The following TNKS variants were observed in gnomAD, a reference collection of about 807,000 sequenced individuals.
The protein encoded by TNKS is tankyrase.
A neutral mutation model predicts 135.8 loss-of-function variants in TNKS; 72 were observed. The ratio of observed to expected loss-of-function variants is 0.53; its 90% CI spans 0.44 to 0.64. The LOEUF (loss-of-function observed/expected upper bound fraction) is 0.64, where lower values mean the gene tolerates loss of function less well. Ranked by LOEUF, TNKS falls within the 30% of genes least tolerant of loss-of-function variation. The probability of loss-of-function intolerance (pLI) is 0.00; values close to 1 mark genes in which losing one functional copy is unlikely to be tolerated. For synonymous variants in TNKS, 849 were observed against 649.3 expected, an observed-to-expected ratio of 1.31 and a Z score of -4.68; for missense variants, 1,769 against 1,674.0, an observed-to-expected ratio of 1.06 and a Z score of -0.99.
intron 2 of TNKS, among the ~76,000 whole-genome samples, chr8:9,591,526 G>A (rs73195531): frequency 1.3e-5 from 2 of 152,338 alleles, no homozygotes; most frequent in Non-Finnish European, 2.9e-5. Flanking sequence ...AGCATGTTGA[G>A]AATATTTTTA....
chr8:9,602,911 C>T (rs1264256468), intron 2 of TNKS, among the ~76,000 whole-genome samples: 1 of 152,076 alleles, frequency 6.6e-6, no homozygotes, highest in East Asian at 1.9e-4. Flanking sequence ...TCAATTGAAA[C>T]AACGTTTTCA....
intron 12 of TNKS, among the ~76,000 whole-genome samples, chr8:9,723,154 GTTTT>G (rs10688007): frequency 2.1e-5 from 3 of 144,406 alleles, no homozygotes; most frequent in Non-Finnish European, 4.5e-5. Flanking sequence ...CCTCCAAAAG[GTTTT>G]TTTTTTTTGT....
At chr8:9,761,475 A>G (rs1807145197) in intron 20 of TNKS, 41 bp from the exon 21 acceptor site, 1 of 1,604,978 alleles carries the variant, frequency 6.2e-7, no homozygotes, top group Non-Finnish European at 8.5e-7. Flanking sequence ...CCTCTTAAGA[A>G]CTGTTAAAGA....
At chr8:9,734,283 T>C (rs140848250) in intron 15 of TNKS, among the ~76,000 whole-genome samples, 138 of 152,342 alleles carry the variant, frequency 9.1e-4, no homozygotes, top group Non-Finnish European at 1.4e-3. Flanking sequence ...ATAAAAATTA[T>C]TGACTTCTAT....
intron 20 of TNKS, among the ~76,000 whole-genome samples, chr8:9,759,736 A>G (rs1807041632): frequency 6.6e-6 from 1 of 152,110 alleles, no homozygotes; most frequent in African/African-American, 2.4e-5. Flanking sequence ...GCACTTTGGG[A>G]GGCCAAGACG....
intron 3 of TNKS, among the ~76,000 whole-genome samples, chr8:9,676,006 ATTTTTTTT>A (rs760646836): frequency 7.6e-6 from 1 of 130,842 alleles, no homozygotes; most frequent in African/African-American, 2.9e-5. Context: ...AAAAGTCAGA[ATTTTTTTT>A]TTTTTTTTTT....
intron 2 of TNKS, among the ~76,000 whole-genome samples, chr8:9,597,057 G>C (rs188603459): frequency 6.6e-6 from 1 of 152,316 alleles, no homozygotes; most frequent in African/African-American, 2.4e-5. Context: ...CTTGAGTATT[G>C]TTCTGGGATA....
At chr8:9,666,694 C>G (rs1362340387) in intron 3 of TNKS, among the ~76,000 whole-genome samples, 1 of 151,368 alleles carries the variant, frequency 6.6e-6, no homozygotes, top group Non-Finnish European at 1.5e-5. Context: ...GCGCTCCAGC[C>G]TGGGCGACAG....
chr8:9,573,287 C>T (rs1253856835), intron 1 of TNKS, among the ~76,000 whole-genome samples: 2 of 152,112 alleles, frequency 1.3e-5, no homozygotes, highest in Non-Finnish European at 2.9e-5. Flanking sequence ...AGAGTAATTC[C>T]AGGGCTGCCA....
chr8:9,582,520 A>G (rs1029307729), intron 2 of TNKS, among the ~76,000 whole-genome samples: 2 of 152,232 alleles, frequency 1.3e-5, no homozygotes, highest in Non-Finnish European at 2.9e-5. Context: ...AAGCCACATT[A>G]CCACCAGCTT....
At chr8:9,681,261 A>G (rs1802770326) in intron 5 of TNKS, 1 of 152,894 alleles carries the variant, frequency 6.5e-6, no homozygotes, top group South Asian at 2.1e-4. Context: ...CATCTATGTA[A>G]CAGCTCTGCT....
intron 1 of TNKS, among the ~76,000 whole-genome samples, chr8:9,578,337 C>A (rs1476671013): frequency 1.3e-5 from 2 of 152,210 alleles, no homozygotes; most frequent in African/African-American, 2.4e-5. Flanking sequence ...GAAAACCTAA[C>A]ATCCGTAAAG....
In TNKS at chr8:9,707,714, C is replaced by CA. The variant is rs547748273; in HGVS notation, c.1457-651dup. Among the ~76,000 whole-genome samples the CA allele has an allele frequency of 6.0e-4, 92 of 152,152 alleles. 1 individual carries two copies. The highest frequency in any genetic ancestry group is 3.8e-3 in the Admixed American group (58 of 15,280). On this transcript the variant is annotated intron_variant, in intron 8 of 26. Coordinates refer to ENST00000310430, the MANE Select transcript of TNKS (RefSeq NM_003747.3). Reference sequence around the variant, plus strand: ...TGCAATTAATTTAGATACAGCTTTTCAAAAAATCTCTCACCTGGTTATGAA... The same window carrying CA: ...TGCAATTAATTTAGATACAGCTTTTCAAAAAAATCTCTCACCTGGTTATGAA...
In TNKS at chr8:9,706,873, C is replaced by T. The variant is rs776783070; in HGVS notation, c.1332C>T (p.Ser444=). Residue 444 remains serine, a synonymous_variant, in exon 8 of 27, where the codon TCC becomes TCT. Coordinates refer to ENST00000310430, the MANE Select transcript of TNKS (RefSeq NM_003747.3). Reference sequence around the variant, plus strand: ...TTACTCCACTGCACGAGGCTGCTTCCAAGAACCGTGTAGAAGTCTGCTCTT... The same window carrying T: ...TTACTCCACTGCACGAGGCTGCTTCTAAGAACCGTGTAGAAGTCTGCTCTT... The part of the protein sequence containing the change: ...WQFTPLHEAA[S]KNRVEVCSLL... 3 of 1,613,910 alleles carry T rather than the reference C, an allele frequency of 1.9e-6. No homozygotes were observed. Among genetic ancestry groups the T allele is most frequent in the African/African-American group, 2.7e-5 (2 of 74,916 alleles).
At chr8:9,561,163 T>A (rs1157923099) in intron 1 of TNKS, among the ~76,000 whole-genome samples, 1 of 152,242 alleles carries the variant, frequency 6.6e-6, no homozygotes, top group East Asian at 1.9e-4. Context: ...ATAGTAGGCA[T>A]CTGTGCAGCT....
At chr8:9,635,907 G>C (rs1395006280) in intron 3 of TNKS, among the ~76,000 whole-genome samples, 2 of 152,250 alleles carry the variant, frequency 1.3e-5, no homozygotes, top group Middle Eastern at 3.4e-3. Context: ...TCCTGGACTA[G>C]AGGAGAAAAA....
At chr8:9,735,162 T>G in intron 16 of TNKS, 78 bp downstream of exon 16, 2 of 1,425,606 alleles carry the variant, frequency 1.4e-6, no homozygotes, top group Non-Finnish European at 1.9e-6. Flanking sequence ...ACGAAAGCCA[T>G]GCTGAACACA....
intron 13 of TNKS, 41 bp from the exon 14 acceptor site, chr8:9,730,849 A>C: frequency 6.3e-7 from 1 of 1,585,140 alleles, no homozygotes; most frequent in Middle Eastern, 1.7e-4. Context: ...ATAAAGAGTA[A>C]TGTTCGTTTT....
At chr8:9,652,391 A>T (rs1801179987) in intron 3 of TNKS, among the ~76,000 whole-genome samples, 1 of 152,186 alleles carries the variant, frequency 6.6e-6, no homozygotes, top group African/African-American at 2.4e-5. Context: ...CTTGGAAATT[A>T]TTTAAGGCCC....
Sources: allele counts gnomAD v4.1 joint callset (sites outside exome capture counted in the v4.1 genomes callset), GRCh38; gene constraint gnomAD v4.1.1; transcripts MANE v1.5; gene names NCBI Gene and HGNC (gene_info 2026-07-23, HGNC 2026-07-21).